SCN8A: variants seen among roughly 807,000 people sequenced by gnomAD.
SCN8A encodes the protein sodium channel protein type 8 subunit alpha.
Under a neutral mutation model 184.1 loss-of-function variants are expected in SCN8A, and 30 were observed. That is an observed-to-expected ratio of 0.16 (90% confidence interval 0.12 to 0.22). The LOEUF is 0.22. SCN8A is among the 10% of genes least tolerant of loss of function. The probability of loss-of-function intolerance (pLI) is 1.00; values close to 1 mark genes in which losing one functional copy is unlikely to be tolerated. For synonymous variants in SCN8A, 852 were observed against 907.0 expected (o/e 0.94, Z 1.09); for missense variants, 1,057 against 2,498.9 (o/e 0.42, Z 12.30).
intron 9 of SCN8A, among the ~76,000 whole-genome samples, chr12:51,703,684 C>T (rs1455462085): frequency 6.6e-6 from 1 of 152,182 alleles, no homozygotes; most frequent in Non-Finnish European, 1.5e-5. Flanking sequence ...AAGTGTCTTA[C>T]AGCTTAGAAA....
At chr12:51,727,875 A>C (rs1942180082) in intron 12 of SCN8A, among the ~76,000 whole-genome samples, 1 of 152,090 alleles carries the variant, frequency 6.6e-6, no homozygotes, top group Admixed American at 6.5e-5. Context: ...ACTTGAACCT[A>C]GGAGGCAGAG....
At chr12:51,794,347 T>C (rs1276140638) in intron 25 of SCN8A, 24 bp from the exon 26 acceptor site, 1 of 1,593,952 alleles carries the variant, frequency 6.3e-7, no homozygotes, top group South Asian at 1.1e-5. Flanking sequence ...GAATCTTTTA[T>C]CTTTTCCTTC....
intron 9 of SCN8A, among the ~76,000 whole-genome samples, chr12:51,703,665 G>C (rs1337011185): frequency 6.6e-6 from 1 of 152,214 alleles, no homozygotes; most frequent in Non-Finnish European, 1.5e-5. Context: ...GTTAGTGTAA[G>C]TGATTGCTAA....
chr12:51,667,104 A>C (rs1229049043), intron 2 of SCN8A, among the ~76,000 whole-genome samples: 1 of 152,196 alleles, frequency 6.6e-6, no homozygotes, highest in Admixed American at 6.5e-5. Context: ...TAAAATAGGT[A>C]ATATATTTAA....
intron 13 of SCN8A, among the ~76,000 whole-genome samples, chr12:51,747,755 C>G (rs1182083356): frequency 6.6e-6 from 1 of 152,056 alleles, no homozygotes; most frequent in Non-Finnish European, 1.5e-5. Flanking sequence ...GAGTTGGATA[C>G]AAACCATTGG....
intron 25 of SCN8A, 34 bp from the exon 26 acceptor site, chr12:51,794,337 G>T: frequency 6.3e-7 from 1 of 1,583,690 alleles, no homozygotes; most frequent in Non-Finnish European, 8.6e-7. Flanking sequence ...AGGTTTTCAT[G>T]AATCTTTTAT....
chr12:51,682,653 A>G (rs1941354856), intron 2 of SCN8A, among the ~76,000 whole-genome samples: 1 of 152,178 alleles, frequency 6.6e-6, no homozygotes, highest in Non-Finnish European at 1.5e-5. Flanking sequence ...AAAAATTATG[A>G]TCATGCATTG....
rs534594586 is a variant in SCN8A at position 51,641,689 on chromosome 12, G to A, written c.-54-21075G>A. Among the ~76,000 whole-genome samples the A allele has an allele frequency of 2.6e-4, 39 of 152,314 alleles. No homozygotes were observed. In the Middle Eastern group the frequency reaches 0.02, roughly 80 times the overall value. Reference sequence around the variant, plus strand: ...TATAGATGCTTCTGAAAAGACCAATGCGTGTCCCACATCTTATCCACTGTG... The same window carrying A: ...TATAGATGCTTCTGAAAAGACCAATACGTGTCCCACATCTTATCCACTGTG... On this transcript the variant is annotated intron_variant, in intron 1 of 26. Coordinates refer to ENST00000627620, the MANE Select transcript of SCN8A (RefSeq NM_001330260.2).
chr12:51,674,061 A>G (rs1206370422), intron 2 of SCN8A, among the ~76,000 whole-genome samples: 2 of 152,230 alleles, frequency 1.3e-5, no homozygotes, highest in Non-Finnish European at 2.9e-5. Flanking sequence ...TGTTTAAAAT[A>G]GTGAGTGTAG....
In SCN8A at chr12:51,699,565, C is replaced by A; in HGVS notation, c.707-5C>A. 1 of 1,608,602 alleles carries A rather than the reference C, an allele frequency of 6.2e-7. No individual in the cohort carries two copies. The highest frequency in any genetic ancestry group is 8.5e-7 in the Non-Finnish European group (1 of 1,176,146). ...CCTCTGATTCCGGGGATTCTGTCTC[C>A]TCAGGCCTGAAGACAATTGTGGGTG... On this transcript the variant is annotated splice_polypyrimidine_tract_variant and splice_region_variant and intron_variant, in intron 6 of 26. Transcript: ENST00000627620.
intron 11 of SCN8A, among the ~76,000 whole-genome samples, chr12:51,720,062 C>T (rs1159872948): frequency 8.8e-6 from 1 of 113,418 alleles, no homozygotes; most frequent in Non-Finnish European, 1.6e-5. Context: ...GGCGACAGAG[C>T]GAGACTCCGT....
Position 51,756,841 on chromosome 12 carries a change from G to A in SCN8A, c.2370+5248G>A, listed in dbSNP as rs572159017. 6.0e-4 allele frequency among the ~76,000 whole-genome samples: 91 copies of A among 152,338 alleles called. 7 individuals are homozygous for A. The highest frequency in any genetic ancestry group is 1.2e-3 in the South Asian group (6 of 4,828). ...CTGAGTGGTTCAGGAGGAAGGGGATGGAAAGAAGAGCTAGGGTTTAATCTG... is the reference window on the plus strand; with the variant it reads ...CTGAGTGGTTCAGGAGGAAGGGGATAGAAAGAAGAGCTAGGGTTTAATCTG... On this transcript the variant is annotated intron_variant, in intron 14 of 26. Coordinates refer to ENST00000627620, the MANE Select transcript of SCN8A (RefSeq NM_001330260.2).
chr12:51,756,264 C>G (rs1942672948), intron 14 of SCN8A, among the ~76,000 whole-genome samples: 1 of 152,034 alleles, frequency 6.6e-6, no homozygotes, highest in Non-Finnish European at 1.5e-5. Flanking sequence ...TGACTTTATC[C>G]CAAACTAGGC....
intron 14 of SCN8A, among the ~76,000 whole-genome samples, chr12:51,752,542 T>G (rs1210622892): frequency 6.6e-6 from 1 of 152,226 alleles, no homozygotes. Flanking sequence ...AGATCCTTTG[T>G]AGCCCATTGT....
At position 51,680,865 on chromosome 12, in the gene SCN8A, G is replaced by A. The variant is rs539910399; in HGVS notation, c.277-3309G>A. ...AAAAATACAAAAAAATTAGCCGGGC[G>A]TGGTGGCAGGTGCCTGTAATCTCAA... On this transcript the variant is annotated intron_variant, in intron 2 of 26. Transcript: ENST00000627620. 4.7e-3 allele frequency among the ~76,000 whole-genome samples: 721 copies of A among 152,156 alleles called. 1 individual carries two copies. The highest frequency in any genetic ancestry group is 8.6e-3 in the Non-Finnish European group (584 of 67,990).
chr12:51,671,299 G>A (rs1030353772), intron 2 of SCN8A, among the ~76,000 whole-genome samples: 1 of 152,188 alleles, frequency 6.6e-6, no homozygotes, highest in Admixed American at 6.5e-5. Context: ...TTTAACTCGG[G>A]TTAGATATGG....
In SCN8A at chr12:51,629,998, A is replaced by G. The variant is rs767589286; in HGVS notation, c.-54-32766A>G. ...GAGGAGGGAGTGCCGGGGAAATTAT[A>G]AGGTTTAATCTTGTCTTGAATTTTA... On this transcript the variant is annotated intron_variant, in intron 1 of 26. Transcript: ENST00000627620. Among the ~76,000 whole-genome samples, 172 of 152,298 alleles carry G rather than the reference A, an allele frequency of 1.1e-3. 2 individuals carry two copies. The highest frequency in any genetic ancestry group is 2.2e-4 in the Non-Finnish European group (15 of 68,018).
chr12:51,615,427 G>T (rs1306996236), intron 1 of SCN8A, among the ~76,000 whole-genome samples: 1 of 152,120 alleles, frequency 6.6e-6, no homozygotes, highest in African/African-American at 2.4e-5. Flanking sequence ...GGTGGCTCAT[G>T]CCTGTGGTCC....
In SCN8A at chr12:51,639,879, C is replaced by CTTTTTTTTTTTTTTTTTTTTT. The variant is rs71092712; in HGVS notation, c.-54-22867_-54-22847dup. ...AGTATTTTTTGAATTAAGGTATATG[C>CTTTTTTTTTTTTTTTTTTTTT]TTTTTTTTTTTTTTTTTTTTTTTTT... On this transcript the variant is annotated intron_variant, in intron 1 of 26. Transcript: ENST00000627620. 1.1e-3 allele frequency among the ~76,000 whole-genome samples: 17 copies of CTTTTTTTTTTTTTTTTTTTTT among 15,072 alleles called. 8 individuals carry two copies. In the East Asian group the frequency reaches 0.013, roughly 12 times the overall value. 9.9% of individuals were successfully genotyped at this position (15,072 alleles called of 152,430 possible).
Sources: allele counts gnomAD v4.1 joint callset (sites outside exome capture counted in the v4.1 genomes callset), GRCh38; gene constraint gnomAD v4.1.1; transcripts MANE v1.5; gene names NCBI Gene and HGNC (gene_info 2026-07-23, HGNC 2026-07-21).